Variants in HYCC1 observed in about 807,000 individuals in gnomAD.
The protein encoded by HYCC1 is hyccin PI4KA lipid kinase complex subunit 1.
At chr7:22,914,044 G>A in the HYCC1 span, among the ~76,000 whole-genome samples, 8 of 152,122 alleles carry the variant, frequency 5.3e-5, no homozygotes, top group African/African-American at 1.9e-4. Flanking sequence ...TCCAATTCCA[G>A]TTCTTTTTCC....
At chr7:22,945,643 A>G in the HYCC1 span, 1 of 1,613,756 alleles carries the variant, frequency 6.2e-7, no homozygotes, top group African/African-American at 1.3e-5. Flanking sequence ...GACCTGATTG[A>G]TGCTTCATTG....
chr7:23,005,425 T>A, the HYCC1 span, among the ~76,000 whole-genome samples: 1 of 152,150 alleles, frequency 6.6e-6, no homozygotes, highest in Non-Finnish European at 1.5e-5. Flanking sequence ...AAAATATTAA[T>A]CATTTGGACA....
At chr7:22,924,627 G>A in the HYCC1 span, among the ~76,000 whole-genome samples, 7 of 152,250 alleles carry the variant, frequency 4.6e-5, no homozygotes, top group Non-Finnish European at 1.0e-4. Flanking sequence ...CGGCAGCAAG[G>A]CTGGGGGAGG....
chr7:22,910,079 T>C, the HYCC1 span, among the ~76,000 whole-genome samples: 5 of 152,182 alleles, frequency 3.3e-5, no homozygotes, highest in African/African-American at 4.8e-5. Context: ...GTGACAAATA[T>C]GTAAGGCTAT....
the HYCC1 span, among the ~76,000 whole-genome samples, chr7:22,982,847 T>C: frequency 2.0e-5 from 3 of 151,138 alleles, no homozygotes; most frequent in East Asian, 5.8e-4. Context: ...CCTAGCTTTC[T>C]AGCTTCAGCT....
At chr7:22,947,227 CATT>C in the HYCC1 span, 6 of 1,549,438 alleles carry the variant, frequency 3.9e-6, no homozygotes, top group Non-Finnish European at 5.2e-6. Context: ...TCAGTAGCAT[CATT>C]ATTGTTGTCA....
At chr7:23,002,449 G>A in the HYCC1 span, among the ~76,000 whole-genome samples, 5 of 151,952 alleles carry the variant, frequency 3.3e-5, no homozygotes, top group African/African-American at 1.2e-4. Flanking sequence ...CCAGGGAGAG[G>A]CTCTTGAACA....
At chr7:22,961,712 A>G in the HYCC1 span, among the ~76,000 whole-genome samples, 3 of 152,196 alleles carry the variant, frequency 2.0e-5, no homozygotes, top group Non-Finnish European at 2.9e-5. Flanking sequence ...TTTAATGAGA[A>G]TCTACTACCA....
the HYCC1 span, chr7:22,985,587 A>G: frequency 1.3e-5 from 2 of 152,136 alleles, no homozygotes; most frequent in Admixed American, 1.3e-4. Flanking sequence ...GAAACCTTTC[A>G]CAATTCTCCC....
chr7:23,007,104 T>C, the HYCC1 span, among the ~76,000 whole-genome samples: 2 of 152,222 alleles, frequency 1.3e-5, no homozygotes, highest in African/African-American at 4.8e-5. Flanking sequence ...TTTATTAAAA[T>C]AGCAAAAGAT....
chr7:22,920,632 G>A, the HYCC1 span, among the ~76,000 whole-genome samples: 1 of 152,138 alleles, frequency 6.6e-6, no homozygotes, highest in Non-Finnish European at 1.5e-5. Flanking sequence ...AGTTCTTCAG[G>A]CTGAAAGCAA....
chr7:22,981,077 T>A, the HYCC1 span, among the ~76,000 whole-genome samples: 1 of 152,198 alleles, frequency 6.6e-6, no homozygotes, highest in African/African-American at 2.4e-5. Flanking sequence ...TCCCAACACA[T>A]ATTTCCCTTA....
the HYCC1 span, among the ~76,000 whole-genome samples, chr7:22,913,651 C>A: frequency 2.0e-5 from 3 of 152,212 alleles, no homozygotes; most frequent in African/African-American, 7.2e-5. Flanking sequence ...CACAAGAAAA[C>A]AACTCCCTTT....
chr7:22,993,899 C>T, the HYCC1 span, among the ~76,000 whole-genome samples: 3 of 152,262 alleles, frequency 2.0e-5, no homozygotes, highest in East Asian at 1.9e-4. Flanking sequence ...AAATTCTACC[C>T]ATGTTAATAC....
the HYCC1 span, among the ~76,000 whole-genome samples, chr7:22,953,919 A>C: frequency 6.6e-6 from 1 of 151,746 alleles, no homozygotes; most frequent in East Asian, 1.9e-4. Flanking sequence ...TTATTTTCTA[A>C]ATTTCCTTAA....
chr7:22,945,265 C>T, the HYCC1 span: 4 of 371,970 alleles, frequency 1.1e-5, no homozygotes, highest in South Asian at 2.9e-5. Context: ...ACCTTACAAC[C>T]TCACATGAGA....
chr7:22,900,830 GA>G, the HYCC1 span, among the ~76,000 whole-genome samples: 2 of 152,006 alleles, frequency 1.3e-5, no homozygotes, highest in African/African-American at 4.8e-5. Flanking sequence ...AGAGTGAGTA[GA>G]AAAAAGCAAG....
At chr7:22,960,224 T>A in the HYCC1 span, 373 of 1,599,760 alleles carry the variant, frequency 2.3e-4, no homozygotes, top group African/African-American at 3.9e-3. Flanking sequence ...GAATCAACAA[T>A]GGTTTGACTT....
At chr7:23,000,076 C>A in the HYCC1 span, among the ~76,000 whole-genome samples, 1 of 151,870 alleles carries the variant, frequency 6.6e-6, no homozygotes, top group Admixed American at 6.6e-5. Context: ...AACCGATCTC[C>A]CATCCCTGCT....
Sources: gnomAD v4.1 joint callset for allele counts (sites outside exome capture counted in the v4.1 genomes callset) on GRCh38, gnomAD v4.1.1 for gene constraint, MANE v1.5 for transcripts, NCBI Gene and HGNC (gene_info 2026-07-23, HGNC 2026-07-21) for gene names.